MBD5: variants seen among roughly 807,000 people sequenced by gnomAD.
The protein encoded by MBD5 is methyl-CpG binding domain protein 5.
MBD5 carries 13 observed loss-of-function variants against 117.3 expected under a neutral mutation model. The observed-to-expected ratio is 0.11, with a 90% CI of 0.07 to 0.18. The LOEUF (loss-of-function observed/expected upper bound fraction) is 0.18, where lower values mean the gene tolerates loss of function less well. Among genes scored for constraint, MBD5 ranks in the 10% least tolerant of loss-of-function variants. The pLI is 1.00. For synonymous variants in MBD5, 727 were observed against 766.4 expected, an observed-to-expected ratio of 0.95 and a Z score of 0.85; for missense variants, 1,879 against 2,093.8, an observed-to-expected ratio of 0.90 and a Z score of 2.00.
At chr2:148,471,135 T>A (rs2105650662) in intron 8 of MBD5, 1 of 152,290 alleles carries the variant, frequency 6.6e-6, no homozygotes, top group South Asian at 2.1e-4. Context: ...ATTTTTAATC[T>A]TGAAATTGTT....
chr2:148,055,902 G>A (rs1694849115), intron 1 of MBD5: 1 of 152,096 alleles, frequency 6.6e-6, no homozygotes, highest in African/African-American at 2.4e-5. Flanking sequence ...CTTGGTAGTT[G>A]ATAATGTAAG....
intron 2 of MBD5, among the ~76,000 whole-genome samples, chr2:148,232,074 C>T (rs985382100): frequency 5.9e-5 from 9 of 152,110 alleles, no homozygotes; most frequent in Non-Finnish European, 1.0e-4. Context: ...ACAGACATGT[C>T]GTTATCTAAA....
chr2:148,417,043 G>A (rs904011727), intron 4 of MBD5, among the ~76,000 whole-genome samples: 1 of 152,076 alleles, frequency 6.6e-6, no homozygotes, highest in African/African-American at 2.4e-5. Context: ...ATCGGTTGAT[G>A]AACATTTAAT....
chr2:148,162,419 T>C lies in MBD5; in HGVS notation c.-924-16281T>C, dbSNP rs377260135. The stretch of plus-strand genomic sequence containing the variant: ...CTAATTAACCCAACGATTAGAATTA[T>C]TCACATTTAGGCTGATGTTAATTTA... On this transcript the variant is annotated intron_variant, in intron 1 of 13. Coordinates refer to ENST00000642680, the MANE Select transcript of MBD5 (RefSeq NM_001378120.1). Among the ~76,000 whole-genome samples the C allele has an allele frequency of 3.3e-5, 5 of 152,234 alleles. No individual in the cohort carries two copies. In the East Asian group the frequency reaches 9.6e-4, roughly 29 times the overall value.
At chr2:148,146,159 C>T (rs1197008599) in intron 1 of MBD5, among the ~76,000 whole-genome samples, 3 of 152,146 alleles carry the variant, frequency 2.0e-5, no homozygotes, top group Admixed American at 6.6e-5. Flanking sequence ...AATTTATTGA[C>T]CTACAGTTGT....
chr2:148,329,669 G>A (rs1450486275), intron 3 of MBD5, among the ~76,000 whole-genome samples: 1 of 152,128 alleles, frequency 6.6e-6, no homozygotes, highest in Non-Finnish European at 1.5e-5. Context: ...TATGTTTGAT[G>A]TATAAGAAAG....
chr2:148,220,728 G>A (rs1385666719), intron 2 of MBD5, among the ~76,000 whole-genome samples: 2 of 152,036 alleles, frequency 1.3e-5, no homozygotes, highest in Non-Finnish European at 2.9e-5. Flanking sequence ...ATCACCTCAA[G>A]CATTTATCTT....
rs758838720 is a variant in MBD5, at chr2:148,469,968, G to C, written c.2025G>C (p.Met675Ile). ...TGAGTTTGCTCAGACAGTCTCAAAT[G>C]GATAGTTCTGCAGTTCCTAAACCTG... ...TVLSLLRQSQ[M>I]DSSAVPKPGP... The change falls in exon 8 of 14, where the codon ATG (methionine) becomes ATC (isoleucine). Residue 675 changes from methionine to isoleucine, a missense_variant. Physicochemically the swap from Met to Ile is conservative, Grantham distance 10. Transcript: ENST00000642680. 7.4e-6 allele frequency: 12 copies of C among 1,613,926 alleles called. No homozygotes were observed. The East Asian group carries it at 2.7e-4, about 36-fold the overall frequency.
chr2:148,135,282 A>G (rs945866555), intron 1 of MBD5, among the ~76,000 whole-genome samples: 1 of 152,186 alleles, frequency 6.6e-6, no homozygotes. Flanking sequence ...AAATTCTTCA[A>G]ACCAGGGAAC....
At chr2:148,221,426 T>C (rs1699682948) in intron 2 of MBD5, among the ~76,000 whole-genome samples, 1 of 152,164 alleles carries the variant, frequency 6.6e-6, no homozygotes, top group Admixed American at 6.5e-5. Context: ...CCAGCATTTG[T>C]TATTGCCTTT....
At chr2:148,457,947 A>G (rs1574445781) in intron 4 of MBD5, among the ~76,000 whole-genome samples, 1 of 152,134 alleles carries the variant, frequency 6.6e-6, no homozygotes, top group Non-Finnish European at 1.5e-5. Context: ...GTGTATGTGT[A>G]TATGTAATGC....
At chr2:148,167,911 G>T (rs1442937776) in intron 1 of MBD5, among the ~76,000 whole-genome samples, 2 of 151,856 alleles carry the variant, frequency 1.3e-5, no homozygotes, top group African/African-American at 2.4e-5. Flanking sequence ...TTTCACTTTG[G>T]GGCTAGTTAA....
In MBD5 at chr2:148,490,510, C is replaced by T. The variant is rs1350389509; in HGVS notation, c.4878C>T (p.Ile1626=). The T allele has an allele frequency of 2.5e-6, 4 of 1,614,198 alleles. No homozygotes were observed. The highest frequency in any genetic ancestry group is 3.4e-6 in the Non-Finnish European group (4 of 1,180,034). Residue 1626 remains isoleucine, a synonymous_variant, in exon 11 of 14, where the codon ATC becomes ATT. Transcript: ENST00000642680. ...TTGGCGACTTGGTCTGGGGCCAAAT[C>T]AAAGGACTGACTTCCTGGCCTGGAA... ...FNVGDLVWGQ[I]KGLTSWPGKL...
At chr2:148,082,667 G>A (rs1695673859) in intron 1 of MBD5, among the ~76,000 whole-genome samples, 1 of 152,220 alleles carries the variant, frequency 6.6e-6, no homozygotes, top group Non-Finnish European at 1.5e-5. Flanking sequence ...GAATAAAACA[G>A]TAGGCTCACA....
intron 1 of MBD5, among the ~76,000 whole-genome samples, chr2:148,170,114 G>C (rs1163033897): frequency 6.6e-6 from 1 of 152,092 alleles, no homozygotes; most frequent in Non-Finnish European, 1.5e-5. Context: ...AGCCAGGATG[G>C]TCTCGATCTC....
chr2:148,350,317 T>C lies in MBD5; in HGVS notation c.-557+7981T>C, dbSNP rs545548577. On this transcript the variant is annotated intron_variant, in intron 4 of 13. Transcript: ENST00000642680. ...TGTTTAATTCATGTGCACCATTACA[T>C]AGCAGCTGCACTAAGCATTAAAACC... is the stretch of plus-strand genomic sequence containing the variant. Among the ~76,000 whole-genome samples, 6 of 152,168 alleles carry C rather than the reference T, an allele frequency of 3.9e-5. No individual in the cohort carries two copies. In the South Asian group the frequency reaches 1.2e-3, roughly 32 times the overall value.
intron 4 of MBD5, among the ~76,000 whole-genome samples, chr2:148,364,609 A>G (rs527680098): frequency 4.1e-4 from 62 of 152,302 alleles, no homozygotes; most frequent in African/African-American, 1.5e-3. Flanking sequence ...CTCACACGCA[A>G]AGACACACAT....
chr2:148,032,561 A>T (rs1694070360), intron 1 of MBD5, among the ~76,000 whole-genome samples: 1 of 152,158 alleles, frequency 6.6e-6, no homozygotes, highest in Admixed American at 6.5e-5. Context: ...ATGTGGCAGA[A>T]GTTTAGAGCA....
chr2:148,299,115 C>T (rs756368331), intron 3 of MBD5, among the ~76,000 whole-genome samples: 6 of 151,860 alleles, frequency 4.0e-5, no homozygotes, highest in Non-Finnish European at 7.4e-5. Context: ...TTTGCTCCAT[C>T]CTCTGTTTAA....
Sources: allele counts gnomAD v4.1 joint callset (sites outside exome capture counted in the v4.1 genomes callset), GRCh38; gene constraint gnomAD v4.1.1; transcripts MANE v1.5; gene names NCBI Gene and HGNC (gene_info 2026-07-23, HGNC 2026-07-21).